Variants in BTBD9 observed in about 807,000 individuals in gnomAD.
BTBD9 encodes BTB/POZ domain-containing protein 9.
Under a neutral mutation model 64.3 loss-of-function variants are expected in BTBD9, and 49 were observed. The observed-to-expected ratio is 0.76, with a 90% CI of 0.61 to 0.97. The LOEUF (loss-of-function observed/expected upper bound fraction) is 0.97, where lower values mean the gene tolerates loss of function less well. Among genes scored for constraint, BTBD9 ranks in the 50% least tolerant of loss-of-function variants. BTBD9 has a pLI of 0.00. For missense variants in BTBD9, 598 were observed against 762.1 expected (o/e 0.78, Z 2.53); for synonymous variants, 260 against 274.7 (o/e 0.95, Z 0.53).
chr6:38,276,529 T>C (rs894968723), intron 8 of BTBD9, among the ~76,000 whole-genome samples: 1 of 151,946 alleles, frequency 6.6e-6, no homozygotes, highest in African/African-American at 2.4e-5. Flanking sequence ...AAAAAAGAAA[T>C]GGTCAAAGGA....
chr6:38,374,296 T>TATATATATATATATATAC (rs1491482634), intron 6 of BTBD9, among the ~76,000 whole-genome samples: 5 of 70,634 alleles, frequency 7.1e-5, no homozygotes, highest in African/African-American at 1.9e-4. Context: ...TATATATATA[T>TATATATATATATATATAC]GTATATATAT....
intron 9 of BTBD9, among the ~76,000 whole-genome samples, chr6:38,224,291 C>T (rs1409103416): frequency 3.9e-5 from 6 of 152,126 alleles, no homozygotes; most frequent in Non-Finnish European, 7.4e-5. Context: ...ACCTCTTTTT[C>T]TATGTTTTCA....
intron 7 of BTBD9, among the ~76,000 whole-genome samples, chr6:38,299,688 A>ATG (rs1762310115): frequency 6.6e-6 from 1 of 152,070 alleles, no homozygotes; most frequent in Non-Finnish European, 1.5e-5. Context: ...TCCTTTGCCC[A>ATG]CTTTTTGATG....
chr6:38,592,273 A>C (rs1776828695), intron 4 of BTBD9, among the ~76,000 whole-genome samples: 1 of 152,202 alleles, frequency 6.6e-6, no homozygotes, highest in Non-Finnish European at 1.5e-5. Context: ...GGAAGGAAGA[A>C]AAGGTCTTAA....
At chr6:38,587,255 T>C (rs1007165679) in intron 4 of BTBD9, 25 of 299,584 alleles carry the variant, frequency 8.3e-5, no homozygotes, top group Middle Eastern at 9.6e-4. Context: ...TGTGGAGAGG[T>C]GGCGGTGGTG....
At chr6:38,632,625 T>G (rs1226708510) in intron 1 of BTBD9, among the ~76,000 whole-genome samples, 1 of 152,166 alleles carries the variant, frequency 6.6e-6, no homozygotes, top group East Asian at 1.9e-4. Flanking sequence ...TCTAGAAAAC[T>G]TGGCACCTAT....
chr6:38,334,575 AATAACATAACATAAC>A lies in BTBD9; in HGVS notation c.1264+10394_1264+10408del, dbSNP rs372624753. ...CAGAGCGAGACTCCATCTCAAAAAT[AATAACATAACATAAC>A]ATAACATAACATAACATAACATAAC... On this transcript the variant is annotated intron_variant, in intron 7 of 10. Transcript: ENST00000481247. Among the ~76,000 whole-genome samples, 895 of 142,518 alleles carry A rather than the reference AATAACATAACATAAC, an allele frequency of 6.3e-3. 8 individuals carry two copies. The highest frequency in any genetic ancestry group is 0.015 in the East Asian group (75 of 4,898). 93.5% of individuals were successfully genotyped at this position (142,518 alleles called of 152,430 possible). A position where few individuals can be genotyped will look rare whatever the true frequency, so the allele number is the denominator to read the frequency against.
At chr6:38,367,156 T>A (rs1765214524) in intron 6 of BTBD9, among the ~76,000 whole-genome samples, 2 of 152,208 alleles carry the variant, frequency 1.3e-5, no homozygotes, top group Non-Finnish European at 2.9e-5. Flanking sequence ...TGATCCTGCT[T>A]TCCCCTTCCA....
At chr6:38,243,106 C>A (rs1764062525) in intron 9 of BTBD9, among the ~76,000 whole-genome samples, 1 of 151,860 alleles carries the variant, frequency 6.6e-6, no homozygotes, top group Non-Finnish European at 1.5e-5. Flanking sequence ...AATTAGCTTA[C>A]CTAAAGCATG....
At chr6:38,631,990 T>C (rs1287300678) in intron 1 of BTBD9, among the ~76,000 whole-genome samples, 1 of 152,124 alleles carries the variant, frequency 6.6e-6, no homozygotes, top group Non-Finnish European at 1.5e-5. Flanking sequence ...TAGCCTGGCG[T>C]GGTGGCGCAT....
chr6:38,227,501 C>G (rs1044364622), intron 9 of BTBD9, among the ~76,000 whole-genome samples: 7 of 152,172 alleles, frequency 4.6e-5, no homozygotes, highest in Non-Finnish European at 1.0e-4. Flanking sequence ...GTTACTGTCC[C>G]TATCCCTTCC....
At chr6:38,566,477 T>C (rs550811211) in intron 6 of BTBD9, among the ~76,000 whole-genome samples, 4 of 152,260 alleles carry the variant, frequency 2.6e-5, no homozygotes, top group Admixed American at 2.0e-4. Flanking sequence ...CAGAGAAAAA[T>C]ATACTTTTGT....
At chr6:38,460,614 T>G (rs1193495388) in intron 6 of BTBD9, among the ~76,000 whole-genome samples, 1 of 150,784 alleles carries the variant, frequency 6.6e-6, no homozygotes, top group East Asian at 1.9e-4. Context: ...ACAGTTAGGG[T>G]TTTTTTTGTT....
chr6:38,475,657 G>T (rs956237824), intron 6 of BTBD9, among the ~76,000 whole-genome samples: 1 of 152,138 alleles, frequency 6.6e-6, no homozygotes, highest in Non-Finnish European at 1.5e-5. Context: ...TGACTGCCCA[G>T]AATGAACAAG....
intron 7 of BTBD9, among the ~76,000 whole-genome samples, chr6:38,330,115 C>T (rs888203174): frequency 1.3e-5 from 2 of 151,000 alleles, no homozygotes; most frequent in Admixed American, 6.6e-5. Context: ...AGTGCAGTGG[C>T]GTGATATTGG....
At chr6:38,305,641 C>A (rs527261997) in intron 7 of BTBD9, among the ~76,000 whole-genome samples, 1 of 152,066 alleles carries the variant, frequency 6.6e-6, no homozygotes, top group African/African-American at 2.4e-5. Context: ...GCCACCACAC[C>A]GGGCTAATTT....
At chr6:38,278,965 G>A (rs970067774) in intron 8 of BTBD9, among the ~76,000 whole-genome samples, 4 of 152,186 alleles carry the variant, frequency 2.6e-5, no homozygotes, top group Non-Finnish European at 5.9e-5. Flanking sequence ...AATCCCCCTT[G>A]CACTGAATCT....
At chr6:38,418,623 G>T (rs1335429328) in intron 6 of BTBD9, among the ~76,000 whole-genome samples, 1 of 152,062 alleles carries the variant, frequency 6.6e-6, no homozygotes, top group Non-Finnish European at 1.5e-5. Flanking sequence ...CCACCCTAAG[G>T]AGTTTTTCAA....
chr6:38,204,251 T>C (rs896267396), intron 9 of BTBD9, among the ~76,000 whole-genome samples: 1 of 145,266 alleles, frequency 6.9e-6, no homozygotes, highest in African/African-American at 2.5e-5. Flanking sequence ...AAAACACATG[T>C]CCACACAAAA....
Sources: gnomAD v4.1 joint callset for allele counts (sites outside exome capture counted in the v4.1 genomes callset) on GRCh38, gnomAD v4.1.1 for gene constraint, MANE v1.5 for transcripts, NCBI Gene and HGNC (gene_info 2026-07-23, HGNC 2026-07-21) for gene names.